AHRR: variants seen among roughly 807,000 people sequenced by gnomAD.
AHRR encodes aryl hydrocarbon receptor repressor.
A neutral mutation model predicts 44.0 loss-of-function variants in AHRR; 28 were observed. That is an observed-to-expected ratio of 0.64 (90% CI 0.47 to 0.87). The LOEUF (loss-of-function observed/expected upper bound fraction) is 0.87, where lower values mean the gene tolerates loss of function less well. Ranked by LOEUF, AHRR falls within the 40% of genes least tolerant of loss-of-function variation. The probability of loss-of-function intolerance (pLI) is 0.00; values close to 1 mark genes in which losing one functional copy is unlikely to be tolerated. For synonymous variants in AHRR, 434 were observed against 407.0 expected (o/e 1.07, Z -0.80); for missense variants, 990 against 953.9 (o/e 1.04, Z -0.50).
intron 8 of AHRR, among the ~76,000 whole-genome samples, chr5:431,647 A>G (rs757866985): frequency 2.6e-5 from 4 of 151,120 alleles, no homozygotes; most frequent in Non-Finnish European, 4.4e-5. Context: ...GCAGCCCCCA[A>G]CAGCCCCCCA....
At chr5:367,137 G>T (rs1198140650) in intron 3 of AHRR, among the ~76,000 whole-genome samples, 3 of 152,228 alleles carry the variant, frequency 2.0e-5, no homozygotes, top group Non-Finnish European at 2.9e-5. Flanking sequence ...TGGAGAAGTT[G>T]CAGGGTGTTT....
chr5:359,805 A>C (rs568959843), intron 3 of AHRR, among the ~76,000 whole-genome samples: 1 of 152,298 alleles, frequency 6.6e-6, no homozygotes, highest in Non-Finnish European at 1.5e-5. Flanking sequence ...GTGGGCAAGA[A>C]CAGAGGCCCC....
intron 3 of AHRR, among the ~76,000 whole-genome samples, chr5:360,943 A>G (rs183132735): frequency 6.6e-6 from 1 of 152,296 alleles, no homozygotes; most frequent in East Asian, 1.9e-4. Flanking sequence ...TTCTCAGCCT[A>G]TCCACATTGC....
At chr5:352,119 G>A (rs561523033) in intron 2 of AHRR, among the ~76,000 whole-genome samples, 44 of 152,336 alleles carry the variant, frequency 2.9e-4, no homozygotes, top group African/African-American at 9.9e-4. Flanking sequence ...CTTTTCTTTC[G>A]CATGATTGCA....
At chr5:432,742 A>G in intron 9 of AHRR, 64 bp from the exon 10 acceptor site, 2 of 1,612,896 alleles carry the variant, frequency 1.2e-6, no homozygotes, top group Non-Finnish European at 8.5e-7. Context: ...AGAACAAGCA[A>G]CCGTCTTCCA....
Position 434,041 on chromosome 5 carries a change from G to GCATGC in AHRR, c.1302_1303insATGCC (p.Leu435MetfsTer78), listed in dbSNP as rs1560927052. On this transcript the variant is annotated frameshift_variant, in exon 11 of 11. Transcript: ENST00000684583. Reference sequence around the variant, plus strand: ...CTGCGCCCCATGCCCCGCGGCTCCTGCCTGCCCTGCCCGTGTGTCCAGGGC... The same window carrying GCATGC: ...CTGCGCCCCATGCCCCGCGGCTCCTGCATGCCCTGCCCTGCCCGTGTGTCCAGGGC... 1.2e-6 allele frequency: 2 copies of GCATGC among 1,610,684 alleles called. No individual in the cohort carries two copies. The highest frequency in any genetic ancestry group is 1.7e-6 in the Non-Finnish European group (2 of 1,179,018).
At chr5:414,836 G>A (rs1735646987) in intron 5 of AHRR, among the ~76,000 whole-genome samples, 1 of 152,268 alleles carries the variant, frequency 6.6e-6, no homozygotes, top group South Asian at 2.1e-4. Context: ...AATTTGAACA[G>A]TTTTATAGAA....
rs1196088995 is a variant in AHRR at position 391,324 on chromosome 5, C to CGGGCGCAGGGCGAGGA, written c.351+14623_351+14624insAGGGCGCAGGGCGAGG. On this transcript the variant is annotated intron_variant, in intron 4 of 10. Transcript: ENST00000684583. ...TTAGGAAGGTGGGCCAGAGCGTGCA[C>CGGGCGCAGGGCGAGGA]GGGCGCAGGGCGAGGCGGGCGCAGG... 4.7e-5 allele frequency among the ~76,000 whole-genome samples: 6 copies of CGGGCGCAGGGCGAGGA among 128,930 alleles called. 1 individual carries two copies. Among genetic ancestry groups the CGGGCGCAGGGCGAGGA allele is most frequent in the African/African-American group, 1.8e-4 (6 of 34,198 alleles). The allele number at this position is 128,930 out of a possible 152,430, so 84.6% of individuals were successfully genotyped here.
chr5:334,237 T>C (rs1207813728), intron 1 of AHRR, among the ~76,000 whole-genome samples: 1 of 152,198 alleles, frequency 6.6e-6, no homozygotes, highest in Non-Finnish European at 1.5e-5. Flanking sequence ...CTGAGCCTCC[T>C]GTGTCTGGAT....
At chr5:415,542 C>T (rs13176183) in intron 5 of AHRR, among the ~76,000 whole-genome samples, 1 of 93,868 alleles carries the variant, frequency 1.1e-5, no homozygotes, top group African/African-American at 4.2e-5. Context: ...TCTGCCTGGT[C>T]GGGTGGGAGG....
intron 4 of AHRR, chr5:403,951 A>G (rs1483478728): frequency 2.8e-6 from 4 of 1,441,016 alleles, no homozygotes; most frequent in Non-Finnish European, 3.9e-6. Context: ...TATCTCCTCC[A>G]CTTTATTTTC....
intron 4 of AHRR, among the ~76,000 whole-genome samples, chr5:381,608 C>T (rs771224991): frequency 1.4e-4 from 20 of 145,800 alleles, no homozygotes; most frequent in South Asian, 2.2e-4. Context: ...CTCTGCCTCC[C>T]GGGATCAAGC....
In AHRR at chr5:434,884, G is replaced by A. The variant is rs367737923; in HGVS notation, c.*50G>A. 87 of 1,496,186 alleles carry A rather than the reference G, an allele frequency of 5.8e-5. No homozygotes were observed. The highest frequency in any genetic ancestry group is 5.7e-4 in the African/African-American group (41 of 72,444). The allele number at this position is 1,496,186 out of a possible 1,614,324, so 92.7% of individuals were successfully genotyped here. A position where few individuals can be genotyped will look rare whatever the true frequency, so the allele number is the denominator to read the frequency against. On this transcript the variant is annotated 3_prime_UTR_variant, in exon 11 of 11. Transcript: ENST00000684583. Reference sequence around the variant, plus strand: ...GATCTGTGTGTCTACGCTCAGATGCGTCGGTGGCTGGGCTGCCCTGCTCCT... The same window carrying A: ...GATCTGTGTGTCTACGCTCAGATGCATCGGTGGCTGGGCTGCCCTGCTCCT...
At chr5:409,872 TG>T (rs1735403233) in intron 4 of AHRR, among the ~76,000 whole-genome samples, 1 of 152,234 alleles carries the variant, frequency 6.6e-6, no homozygotes, top group Non-Finnish European at 1.5e-5. Flanking sequence ...GGCATTTTCC[TG>T]GGTTTCTTCT....
At chr5:371,034 C>T (rs954445798) in intron 3 of AHRR, among the ~76,000 whole-genome samples, 3 of 152,138 alleles carry the variant, frequency 2.0e-5, no homozygotes, top group Non-Finnish European at 2.9e-5. Context: ...CCAGGAGAGC[C>T]GAGGTGTAGT....
At chr5:351,086 C>CA (rs1238487660) in intron 2 of AHRR, among the ~76,000 whole-genome samples, 4 of 151,982 alleles carry the variant, frequency 2.6e-5, no homozygotes, top group African/African-American at 9.7e-5. Flanking sequence ...TGGCTGTAAT[C>CA]AAAAAAACAG....
intron 2 of AHRR, among the ~76,000 whole-genome samples, chr5:350,586 C>T (rs1050244601): frequency 2.0e-5 from 3 of 152,138 alleles, no homozygotes; most frequent in African/African-American, 7.2e-5. Context: ...GTGGCCTCTC[C>T]CAGCTGCTGT....
chr5:399,387 G>T (rs1026535518), intron 4 of AHRR, among the ~76,000 whole-genome samples: 7 of 152,242 alleles, frequency 4.6e-5, no homozygotes, highest in Non-Finnish European at 1.5e-5. Context: ...CACACTCAGG[G>T]TGTTTGCACT....
intron 5 of AHRR, among the ~76,000 whole-genome samples, chr5:416,768 G>C (rs887215611): frequency 6.6e-6 from 1 of 152,228 alleles, no homozygotes; most frequent in African/African-American, 2.4e-5. Flanking sequence ...GTGAACGGGG[G>C]AGCACTCACA....
Sources: allele counts gnomAD v4.1 joint callset (sites outside exome capture counted in the v4.1 genomes callset), GRCh38; gene constraint gnomAD v4.1.1; transcripts MANE v1.5; gene names NCBI Gene and HGNC (gene_info 2026-07-23, HGNC 2026-07-21).